ARID1B: variants seen among roughly 807,000 people sequenced by gnomAD.
The protein encoded by ARID1B is AT-rich interaction domain 1B.
In ARID1B, 30 loss-of-function variants were observed where a neutral mutation model predicts 212.3. The ratio of observed to expected loss-of-function variants is 0.14; its 90% confidence interval spans 0.11 to 0.19. ARID1B has a LOEUF of 0.19. Among genes scored for constraint, ARID1B ranks in the 10% least tolerant of loss-of-function variants. ARID1B has a pLI of 1.00. For missense variants in ARID1B, 2,891 were observed against 3,204.0 expected (o/e 0.90, Z 2.36); for synonymous variants, 1,402 against 1,301.7 (o/e 1.08, Z -1.66).
Position 157,209,214 on chromosome 6 carries a change from T to C in ARID1B, c.*1323T>C, listed in dbSNP as rs1282592435. 1 of 231,236 alleles carries C rather than the reference T, an allele frequency of 4.3e-6. No individual in the cohort carries two copies. Among genetic ancestry groups the C allele is most frequent in the Non-Finnish European group, 8.6e-6 (1 of 116,642 alleles). 14.3% of individuals were successfully genotyped at this position (231,236 alleles called of 1,614,324 possible). On this transcript the variant is annotated 3_prime_UTR_variant, in exon 20 of 20. Coordinates refer to ENST00000636930, the MANE Select transcript of ARID1B (RefSeq NM_001374828.1). ...TATCATTTATTCAGTATAAAATCTT[T>C]ATATGTTCCACATGTTAAGAATAAA...
In ARID1B at chr6:156,913,262, G is replaced by A. The variant is rs1440358177; in HGVS notation, c.2136+11737G>A. Among the ~76,000 whole-genome samples, 10 of 148,594 alleles carry A rather than the reference G, an allele frequency of 6.7e-5. No homozygotes were observed. In the East Asian group the frequency reaches 2.0e-3, roughly 29 times the overall value. ...GACAGAGTATCGCCCTGTCACTCAG[G>A]CTGGAGTGCAGTGGCGCGATCTGGG... On this transcript the variant is annotated intron_variant, in intron 3 of 19. Transcript: ENST00000636930.
chr6:157,101,342 T>C (rs1786037767), intron 5 of ARID1B, among the ~76,000 whole-genome samples: 1 of 152,228 alleles, frequency 6.6e-6, no homozygotes, highest in Non-Finnish European at 1.5e-5. Context: ...GCAAAGTGAC[T>C]GGAAGCATTC....
chr6:157,149,794 A>T (rs1428129247), intron 8 of ARID1B: 1 of 152,186 alleles, frequency 6.6e-6, no homozygotes, highest in Non-Finnish European at 1.5e-5. Flanking sequence ...GTCAAAGGGA[A>T]GCAAAAGCTA....
chr6:156,816,480 A>G (rs1175456571), intron 1 of ARID1B, among the ~76,000 whole-genome samples: 1 of 152,234 alleles, frequency 6.6e-6, no homozygotes, highest in Non-Finnish European at 1.5e-5. Flanking sequence ...AGGAAAAAAC[A>G]TATCTGGCCT....
In ARID1B at chr6:156,821,470, A is replaced by G. The variant is rs79720883; in HGVS notation, c.1792-7757A>G. Reference sequence around the variant, plus strand: ...AAGGACCAAAGTAATACCAATGGGTATAAATGACAGGGAGCAGACTTTTGT... The same window carrying G: ...AAGGACCAAAGTAATACCAATGGGTGTAAATGACAGGGAGCAGACTTTTGT... On this transcript the variant is annotated intron_variant, in intron 1 of 19. Coordinates refer to ENST00000636930, the MANE Select transcript of ARID1B (RefSeq NM_001374828.1). Among the ~76,000 whole-genome samples the G allele has an allele frequency of 1.0e-2, 1,522 of 152,380 alleles. 17 individuals carry two copies. The highest frequency in any genetic ancestry group is 0.017 in the Non-Finnish European group (1,138 of 68,042).
chr6:156,927,362 T>A (rs116667049), intron 3 of ARID1B, among the ~76,000 whole-genome samples: 232 of 152,314 alleles, frequency 1.5e-3, no homozygotes, highest in African/African-American at 5.4e-3. Flanking sequence ...TCCTGATTGA[T>A]TTGCAATGGT....
chr6:156,984,409 A>C (rs1562528191), intron 4 of ARID1B, among the ~76,000 whole-genome samples: 2 of 152,092 alleles, frequency 1.3e-5, no homozygotes, highest in Non-Finnish European at 2.9e-5. Flanking sequence ...AAGGTACCAG[A>C]ATACTGGGAA....
chr6:157,121,278 A>G lies in ARID1B; in HGVS notation c.2581+10717A>G, dbSNP rs1406155326. 2.0e-5 allele frequency among the ~76,000 whole-genome samples: 3 copies of G among 152,326 alleles called. 1 individual carries two copies. In the East Asian group the frequency reaches 5.8e-4, roughly 29 times the overall value. ...CATCCCTGGCGATTTTGGAGCTTTG[A>G]CAACATTGCCCTGTTTAAGTTCATG... is the stretch of plus-strand genomic sequence containing the variant. On this transcript the variant is annotated intron_variant, in intron 6 of 19. Transcript: ENST00000636930.
intron 4 of ARID1B, among the ~76,000 whole-genome samples, chr6:157,012,490 A>G (rs1779674162): frequency 6.6e-6 from 1 of 152,218 alleles, no homozygotes; most frequent in Non-Finnish European, 1.5e-5. Flanking sequence ...TTTGGTGAAT[A>G]TATGGTATAC....
At chr6:156,827,884 C>T (rs1252268383) in intron 1 of ARID1B, among the ~76,000 whole-genome samples, 4 of 150,230 alleles carry the variant, frequency 2.7e-5, no homozygotes, top group Admixed American at 1.3e-4. Flanking sequence ...CCTCAGCCTC[C>T]GGAGTAGCTG....
intron 3 of ARID1B, among the ~76,000 whole-genome samples, chr6:156,928,035 T>C (rs1034587404): frequency 2.4e-4 from 36 of 152,106 alleles, no homozygotes; most frequent in African/African-American, 8.7e-4. Context: ...AGGAAGGGCA[T>C]CCACTTGGAC....
At chr6:156,780,134 A>G (rs1779138325) in intron 1 of ARID1B, among the ~76,000 whole-genome samples, 1 of 152,320 alleles carries the variant, frequency 6.6e-6, no homozygotes, top group Admixed American at 6.5e-5. Context: ...GCAATATTGT[A>G]AAATACATCG....
chr6:156,843,503 G>C (rs1473098844), intron 2 of ARID1B, among the ~76,000 whole-genome samples: 4 of 152,240 alleles, frequency 2.6e-5, no homozygotes, highest in Admixed American at 2.0e-4. Flanking sequence ...TCTGCAAAGA[G>C]ATATGCTGAG....
intron 4 of ARID1B, among the ~76,000 whole-genome samples, chr6:157,000,938 A>G (rs1778878815): frequency 6.6e-6 from 1 of 151,964 alleles, no homozygotes; most frequent in Non-Finnish European, 1.5e-5. Context: ...CAAGTGATCC[A>G]TCTGCCTCGG....
chr6:156,871,298 C>A (rs1786108808), intron 2 of ARID1B, among the ~76,000 whole-genome samples: 1 of 152,164 alleles, frequency 6.6e-6, no homozygotes, highest in South Asian at 2.1e-4. Context: ...GCCTGGCATC[C>A]AGTAGGTGAT....
In ARID1B at chr6:157,148,348, T is replaced by C. The variant is rs1789949194; in HGVS notation, c.2762-276T>C. ...CTATTCATAGGGTTTGTTTTTTGTTTTTTTGTTTGTTTCTTTTTATGACCA... is the reference window on the plus strand; with the variant it reads ...CTATTCATAGGGTTTGTTTTTTGTTCTTTTGTTTGTTTCTTTTTATGACCA... On this transcript the variant is annotated intron_variant, in intron 7 of 19. Transcript: ENST00000636930. This position sits in a 1 kb window ranked among gnomAD's most constrained non-coding sequence, Gnocchi z 5.6. Among the ~76,000 whole-genome samples, 1 of 152,106 alleles carries C rather than the reference T, an allele frequency of 6.6e-6. No homozygotes were observed. Among genetic ancestry groups the C allele is most frequent in the African/African-American group, 2.4e-5 (1 of 41,404 alleles).
chr6:157,185,693 ATAG>A (rs1792928568), intron 13 of ARID1B: 1 of 152,260 alleles, frequency 6.6e-6, no homozygotes, highest in African/African-American at 2.4e-5. Flanking sequence ...ATGTTTACAC[ATAG>A]AAGCCAGAGA....
chr6:156,919,308 A>AT (rs1381502948), intron 3 of ARID1B, among the ~76,000 whole-genome samples: 5 of 152,008 alleles, frequency 3.3e-5, no homozygotes, highest in African/African-American at 1.2e-4. Context: ...TTGAAGTATA[A>AT]TTGGGAATTT....
At position 156,935,560 on chromosome 6, in the gene ARID1B, G is replaced by C. The variant is rs2128275169; in HGVS notation, c.2231G>C (p.Arg744Thr). Residue 744 changes from arginine (R) to threonine (T), a missense_variant, in exon 4 of 20, where the codon AGA (arginine) becomes ACA (threonine). Arg to Thr is a moderately conservative substitution (Grantham distance 71). Transcript: ENST00000636930. ...GACTTGAACTTAATACAGCAAGAAA[G>C]ACCATCAAGTTTACCAGTAAGACAT... is the stretch of plus-strand genomic sequence containing the variant. ...HEDLNLIQQERPSSLPDLSGS... is the reference protein window; with the variant it reads ...HEDLNLIQQETPSSLPDLSGS... 6.2e-7 allele frequency: 1 copy of C among 1,611,584 alleles called. No individual in the cohort carries two copies. Among genetic ancestry groups the C allele is most frequent in the Non-Finnish European group, 8.5e-7 (1 of 1,177,812 alleles).
Sources: gnomAD v4.1 joint callset for allele counts (sites outside exome capture counted in the v4.1 genomes callset) on GRCh38, gnomAD v4.1.1 for gene constraint, Gnocchi (gnomAD v3.1) non-coding constraint, MANE v1.5 for transcripts, NCBI Gene and HGNC (gene_info 2026-07-23, HGNC 2026-07-21) for gene names.